Variants in CLASP1 observed in about 807,000 individuals in gnomAD.
CLASP1 encodes cytoplasmic linker associated protein 1, also known as CLIP-associating protein 1.
Under a neutral mutation model 192.3 loss-of-function variants are expected in CLASP1, and 38 were observed. The ratio of observed to expected loss-of-function variants is 0.20; its 90% CI spans 0.15 to 0.26. CLASP1 has a LOEUF of 0.26. Ranked by LOEUF, CLASP1 falls within the 10% of genes least tolerant of loss-of-function variation. The pLI is 1.00. For missense variants in CLASP1, 1,433 were observed against 1,932.5 expected, an observed-to-expected ratio of 0.74 and a Z score of 4.85; for synonymous variants, 691 against 712.8, an observed-to-expected ratio of 0.97 and a Z score of 0.49.
chr2:121,352,103 G>T (rs941105299), intron 37 of CLASP1, among the ~76,000 whole-genome samples: 2 of 152,240 alleles, frequency 1.3e-5, no homozygotes, highest in African/African-American at 4.8e-5. Context: ...GGAGCCAGAT[G>T]GCAGGGACCT....
chr2:121,476,860 A>G (rs2091684229), intron 8 of CLASP1, among the ~76,000 whole-genome samples: 1 of 152,334 alleles, frequency 6.6e-6, no homozygotes, highest in South Asian at 2.1e-4. Context: ...AGGAAGCTGC[A>G]CAGAGACAGG....
At chr2:121,476,578 T>C (rs1304621657) in intron 8 of CLASP1, among the ~76,000 whole-genome samples, 1 of 152,228 alleles carries the variant, frequency 6.6e-6, no homozygotes, top group East Asian at 1.9e-4. Context: ...TCATTGCCTA[T>C]CTGCCAGGAA....
At chr2:121,541,510 A>G (rs2105005561) in intron 2 of CLASP1, among the ~76,000 whole-genome samples, 2 of 152,326 alleles carry the variant, frequency 1.3e-5, no homozygotes, top group South Asian at 4.1e-4. Flanking sequence ...CATTTTCACT[A>G]TAACATAATA....
At chr2:121,628,576 T>C (rs895947334) in intron 1 of CLASP1, among the ~76,000 whole-genome samples, 3 of 150,944 alleles carry the variant, frequency 2.0e-5, no homozygotes. Context: ...CTCCTGATGC[T>C]GAGGCACAAG....
chr2:121,367,593 C>G, exon 35 of CLASP1: 1 of 1,614,020 alleles, frequency 6.2e-7, no homozygotes, highest in Non-Finnish European at 8.5e-7. Flanking sequence ...CCAACCGTCT[C>G]GAAGCTGCTC....
At chr2:121,416,645 T>A (rs7582146) in intron 23 of CLASP1, among the ~76,000 whole-genome samples, 142,867 of 152,284 alleles carry the variant, frequency 0.94, 67,128 homozygotes, top group East Asian at 1. Flanking sequence ...ACTCAGAAAC[T>A]TCTTCTAACC....
chr2:121,450,679 C>T (rs757861714), intron 16 of CLASP1, among the ~76,000 whole-genome samples: 37 of 152,002 alleles, frequency 2.4e-4, no homozygotes, highest in Non-Finnish European at 2.6e-4. Flanking sequence ...TAATTTGTGA[C>T]GAATGTAAAA....
At chr2:121,617,876 CCT>C (rs2066717719) in intron 1 of CLASP1, among the ~76,000 whole-genome samples, 1 of 152,186 alleles carries the variant, frequency 6.6e-6, no homozygotes, top group African/African-American at 2.4e-5. Context: ...AAGCCAAATA[CCT>C]CTGAGCTCTA....
intron 2 of CLASP1, among the ~76,000 whole-genome samples, chr2:121,533,188 G>A (rs1253915386): frequency 1.3e-5 from 2 of 152,184 alleles, no homozygotes; most frequent in East Asian, 3.8e-4. Context: ...GGAAACTCCC[G>A]AAGAAGACTG....
intron 6 of CLASP1, among the ~76,000 whole-genome samples, chr2:121,517,622 A>G (rs2094336290): frequency 6.6e-6 from 1 of 152,084 alleles, no homozygotes; most frequent in Non-Finnish European, 1.5e-5. Context: ...TGGGAGGCCA[A>G]GGTAGGAGGA....
chr2:121,530,981 CTTTATTTT>C, intron 2 of CLASP1: 1 of 700,310 alleles, frequency 1.4e-6, no homozygotes, highest in South Asian at 1.5e-5. Flanking sequence ...AGAGCTTTTG[CTTTATTTT>C]GGTGCAATTT....
intron 19 of CLASP1, among the ~76,000 whole-genome samples, chr2:121,432,435 T>C (rs964379718): frequency 6.6e-6 from 1 of 152,200 alleles, no homozygotes; most frequent in African/African-American, 2.4e-5. Context: ...TAGCCTTTTT[T>C]AAAAGACATC....
chr2:121,528,632 A>C lies in CLASP1; in HGVS notation c.378+45T>G, dbSNP rs746726955. ...CACACACACCCTCGCACGTGCATGC[A>C]CGCGCACTGGCCAGCTGACCTCAAA... On this transcript the variant is annotated intron_variant, in intron 4 of 39. Transcript: ENST00000263710. 2.7e-6 allele frequency: 4 copies of C among 1,477,086 alleles called. No individual in the cohort carries two copies. The East Asian group carries it at 9.0e-5, about 33-fold the overall frequency. The allele number at this position is 1,477,086 out of a possible 1,614,324, so 91.5% of individuals were successfully genotyped here.
At chr2:121,352,585 T>C (rs2064689605) in intron 37 of CLASP1, among the ~76,000 whole-genome samples, 1 of 152,216 alleles carries the variant, frequency 6.6e-6, no homozygotes, top group Non-Finnish European at 1.5e-5. Context: ...CAAACCTTAG[T>C]TGAATCCTCT....
chr2:121,361,987 T>C (rs889364202), intron 37 of CLASP1, among the ~76,000 whole-genome samples: 5 of 152,212 alleles, frequency 3.3e-5, no homozygotes, highest in African/African-American at 4.8e-5. Context: ...TGGTGGAGAT[T>C]TGAAGAGGTC....
chr2:121,565,433 C>G (rs2059419733), intron 2 of CLASP1, among the ~76,000 whole-genome samples: 4 of 152,318 alleles, frequency 2.6e-5, no homozygotes, highest in Middle Eastern at 3.4e-3. Context: ...ATCACAGCCC[C>G]ATGCAGCAGC....
In CLASP1 at chr2:121,548,243, A is replaced by G. The variant is rs766433933; in HGVS notation, c.196-17918T>C. 8.3e-4 allele frequency among the ~76,000 whole-genome samples: 126 copies of G among 152,256 alleles called. 1 individual carries two copies. Among genetic ancestry groups the G allele is most frequent in the Non-Finnish European group, 8.1e-4 (55 of 68,048 alleles). ...AACCTAAAGGATCTGACAGAGCTGA[A>G]TAACACAATACAAGAATTTCACAAT... On this transcript the variant is annotated intron_variant, in intron 2 of 39. Coordinates refer to ENST00000263710, the Ensembl canonical transcript of CLASP1.
chr2:121,564,241 G>A (rs1180920540), intron 2 of CLASP1, among the ~76,000 whole-genome samples: 6 of 152,156 alleles, frequency 3.9e-5, no homozygotes, highest in South Asian at 4.1e-4. Context: ...AGGTGGCGGC[G>A]GGGTAGGGAG....
intron 2 of CLASP1, among the ~76,000 whole-genome samples, chr2:121,578,734 A>C (rs1345732422): frequency 6.6e-6 from 1 of 152,072 alleles, no homozygotes; most frequent in Non-Finnish European, 1.5e-5. Flanking sequence ...CTCAAAAAAA[A>C]AAAAAAAAAG....
Sources: gnomAD v4.1 joint callset for allele counts (sites outside exome capture counted in the v4.1 genomes callset) on GRCh38, gnomAD v4.1.1 for gene constraint, MANE v1.5 for transcripts, NCBI Gene and HGNC (gene_info 2026-07-23, HGNC 2026-07-21) for gene names.